The following CSMD1 variants were observed in gnomAD, a reference collection of about 807,000 sequenced individuals.
CSMD1 encodes CUB and Sushi multiple domains 1, also known as CUB and sushi domain-containing protein 1.
In CSMD1, 213 loss-of-function variants were observed where a neutral mutation model predicts 417.5. That is an observed-to-expected ratio of 0.51 (90% confidence interval 0.46 to 0.57). The LOEUF (loss-of-function observed/expected upper bound fraction) is 0.57. CSMD1 is among the 20% of genes least tolerant of loss of function. CSMD1 has a pLI of 0.00. For missense variants in CSMD1, 6,923 were observed against 4,529.7 expected (o/e 1.53, Z -15.17); for synonymous variants, 2,862 against 1,736.8 (o/e 1.65, Z -16.11).
At chr8:4,313,242 G>C (rs901167462) in intron 3 of CSMD1, among the ~76,000 whole-genome samples, 3 of 152,078 alleles carry the variant, frequency 2.0e-5, no homozygotes, top group Non-Finnish European at 4.4e-5. Context: ...AACCTAGTTG[G>C]CTAAATTTTC....
At chr8:3,655,889 C>T (rs371228122) in intron 7 of CSMD1, among the ~76,000 whole-genome samples, 6 of 152,244 alleles carry the variant, frequency 3.9e-5, no homozygotes, top group Middle Eastern at 3.4e-3. Flanking sequence ...ATAGAACATG[C>T]AAGACCTTAA....
At chr8:3,400,908 C>G (rs907267252) in intron 15 of CSMD1, among the ~76,000 whole-genome samples, 4 of 151,040 alleles carry the variant, frequency 2.6e-5, no homozygotes, top group Non-Finnish European at 4.4e-5. Flanking sequence ...TTTTTATTAA[C>G]TTGAGCTCCT....
At chr8:4,698,290 C>T (rs1226130554) in intron 1 of CSMD1, among the ~76,000 whole-genome samples, 7 of 151,980 alleles carry the variant, frequency 4.6e-5, no homozygotes, top group South Asian at 2.1e-4. Flanking sequence ...TATAAAGGCT[C>T]GTTTCAAATG....
intron 5 of CSMD1, among the ~76,000 whole-genome samples, chr8:3,919,120 G>C (rs1434962671): frequency 7.4e-6 from 1 of 136,036 alleles, no homozygotes; most frequent in African/African-American, 2.7e-5. Flanking sequence ...CTGTGCAGAA[G>C]ATTCTGTGTT....
intron 3 of CSMD1, among the ~76,000 whole-genome samples, chr8:4,132,450 A>G (rs969993430): frequency 6.6e-6 from 1 of 152,180 alleles, no homozygotes; most frequent in Non-Finnish European, 1.5e-5. Context: ...AAGGAACAAA[A>G]TTCCATTTAA....
At chr8:2,990,591 A>G (rs1806297995) in intron 54 of CSMD1, among the ~76,000 whole-genome samples, 1 of 152,200 alleles carries the variant, frequency 6.6e-6, no homozygotes, top group Non-Finnish European at 1.5e-5. Flanking sequence ...TTATCGGCGA[A>G]AGCAGGAGGT....
rs752921685 is a variant in CSMD1, at chr8:3,968,064, G to T, written c.818+29839C>A. Among the ~76,000 whole-genome samples the T allele has an allele frequency of 1.1e-3, 170 of 150,666 alleles. 3 individuals carry two copies. The highest frequency in any genetic ancestry group is 2.0e-3 in the Non-Finnish European group (138 of 67,842). ...TAGCCGGGAGTGGTGGCGGGCGCCT[G>T]TAGTCCCAGCTCCTCGGCAGGCTGA... On this transcript the variant is annotated intron_variant, in intron 5 of 69. Transcript: ENST00000635120.
chr8:4,098,444 C>T (rs1328020714), intron 3 of CSMD1, among the ~76,000 whole-genome samples: 1 of 151,874 alleles, frequency 6.6e-6, no homozygotes, highest in African/African-American at 2.4e-5. Context: ...GTGCAACATG[C>T]ATCAGACACA....
At chr8:4,787,129 G>C (rs576185603) in intron 1 of CSMD1, among the ~76,000 whole-genome samples, 2 of 152,166 alleles carry the variant, frequency 1.3e-5, no homozygotes, top group African/African-American at 2.4e-5. Context: ...CTTTTAGAGG[G>C]AAACTATCCG....
intron 3 of CSMD1, among the ~76,000 whole-genome samples, chr8:4,397,180 A>G (rs974876261): frequency 1.3e-5 from 2 of 152,036 alleles, no homozygotes; most frequent in Non-Finnish European, 2.9e-5. Context: ...GATGATCAAC[A>G]TGTATGTGTT....
chr8:3,796,054 A>G (rs1265975490), intron 5 of CSMD1, among the ~76,000 whole-genome samples: 1 of 54,574 alleles, frequency 1.8e-5, no homozygotes, highest in African/African-American at 5.6e-5. Flanking sequence ...TATCATAGAT[A>G]TAGATATATA....
chr8:4,485,295 A>T (rs1801318401), intron 2 of CSMD1, among the ~76,000 whole-genome samples: 1 of 152,304 alleles, frequency 6.6e-6, no homozygotes, highest in East Asian at 1.9e-4. Flanking sequence ...GAGAACATTT[A>T]TCCCCAGTTG....
chr8:3,006,617 C>T (rs1277378762), intron 52 of CSMD1, among the ~76,000 whole-genome samples: 340 of 150,626 alleles, frequency 2.3e-3, no homozygotes, highest in African/African-American at 7.8e-3. Flanking sequence ...GAAATAATGC[C>T]GCATATCTAC....
At chr8:4,283,234 A>G (rs1300328683) in intron 3 of CSMD1, among the ~76,000 whole-genome samples, 1 of 152,198 alleles carries the variant, frequency 6.6e-6, no homozygotes, top group African/African-American at 2.4e-5. Context: ...AGTATCCACT[A>G]TCCTTTTGCA....
intron 3 of CSMD1, among the ~76,000 whole-genome samples, chr8:4,151,522 G>C (rs1039583094): frequency 2.0e-5 from 3 of 152,304 alleles, no homozygotes; most frequent in African/African-American, 4.8e-5. Context: ...TTTTGGTAGT[G>C]AAACTTTATC....
chr8:3,432,944 T>C (rs971940648), intron 12 of CSMD1, among the ~76,000 whole-genome samples: 2 of 152,150 alleles, frequency 1.3e-5, no homozygotes, highest in African/African-American at 4.8e-5. Flanking sequence ...ACATACCTTA[T>C]CAATAAATGG....
At chr8:4,830,460 G>T (rs1173516604) in intron 1 of CSMD1, among the ~76,000 whole-genome samples, 2 of 152,166 alleles carry the variant, frequency 1.3e-5, no homozygotes, top group Non-Finnish European at 2.9e-5. Flanking sequence ...AATGACTTAG[G>T]ATCTGTCTTT....
chr8:3,057,619 A>G (rs558296783), intron 49 of CSMD1, among the ~76,000 whole-genome samples: 2 of 152,280 alleles, frequency 1.3e-5, no homozygotes, highest in East Asian at 3.9e-4. Context: ...AGCCTATTAG[A>G]TACAAACGTT....
chr8:4,797,109 T>C (rs1798021566), intron 1 of CSMD1, among the ~76,000 whole-genome samples: 2 of 152,130 alleles, frequency 1.3e-5, no homozygotes, highest in African/African-American at 4.8e-5. Context: ...CAGAGATGAA[T>C]ACAGATGTGA....
Sources: allele counts gnomAD v4.1 joint callset (sites outside exome capture counted in the v4.1 genomes callset), GRCh38; gene constraint gnomAD v4.1.1; transcripts MANE v1.5; gene names NCBI Gene and HGNC (gene_info 2026-07-23, HGNC 2026-07-21).